Variants in COL8A1 observed in about 807,000 individuals in gnomAD.
The protein encoded by COL8A1 is collagen alpha-1(VIII) chain.
Under a neutral mutation model 42.7 loss-of-function variants are expected in COL8A1, and 21 were observed. The observed-to-expected ratio is 0.49, with a 90% confidence interval of 0.35 to 0.71. The LOEUF is 0.71. Among genes scored for constraint, COL8A1 ranks in the 30% least tolerant of loss-of-function variants. The pLI is 0.01. For missense variants in COL8A1, 788 were observed against 962.4 expected, an observed-to-expected ratio of 0.82 and a Z score of 2.40; for synonymous variants, 367 against 369.1, an observed-to-expected ratio of 0.99 and a Z score of 0.06.
chr3:99,726,293 T>A (rs1345367436), intron 1 of COL8A1, among the ~76,000 whole-genome samples: 1 of 152,012 alleles, frequency 6.6e-6, no homozygotes, highest in Non-Finnish European at 1.5e-5. Context: ...TTGAGTTCAT[T>A]GTAGATTCTG....
intron 1 of COL8A1, among the ~76,000 whole-genome samples, chr3:99,721,331 C>T (rs1473683527): frequency 1.4e-5 from 2 of 139,376 alleles, no homozygotes; most frequent in African/African-American, 5.4e-5. Flanking sequence ...AGCAGAACAC[C>T]TGTTTTGCAC....
At chr3:99,772,813 GGA>G (rs1161026161) in intron 2 of COL8A1, among the ~76,000 whole-genome samples, 6 of 152,138 alleles carry the variant, frequency 3.9e-5, no homozygotes, top group African/African-American at 1.4e-4. Flanking sequence ...GTGGCCTCCT[GGA>G]GAGGATATTG....
chr3:99,648,097 G>T (rs1937708838), intron 1 of COL8A1, among the ~76,000 whole-genome samples: 1 of 152,152 alleles, frequency 6.6e-6, no homozygotes, highest in Admixed American at 6.5e-5. Flanking sequence ...CAGATATTGT[G>T]CTAGTCCCGT....
chr3:99,763,420 C>T (rs951218295), intron 2 of COL8A1, among the ~76,000 whole-genome samples: 1 of 152,066 alleles, frequency 6.6e-6, no homozygotes, highest in Non-Finnish European at 1.5e-5. Context: ...CTGTCTAAAC[C>T]TCTGAATCCA....
At position 99,685,867 on chromosome 3, in the gene COL8A1, G is replaced by A. The variant is rs1484583635; in HGVS notation, c.-129+47203G>A. Among the ~76,000 whole-genome samples the A allele has an allele frequency of 8.5e-5, 13 of 152,246 alleles. 2 individuals carry two copies. Among genetic ancestry groups the A allele is most frequent in the Admixed American group, 5.9e-4 (9 of 15,286 alleles). ...TAGTCAGACTACTTTACCCATGTGA[G>A]GCACATAGCAAGGGAGTTGGCAACA... On this transcript the variant is annotated intron_variant, in intron 1 of 3. Coordinates refer to ENST00000652472, the MANE Select transcript of COL8A1 (RefSeq NM_020351.4).
intron 1 of COL8A1, among the ~76,000 whole-genome samples, chr3:99,742,806 A>G (rs1940930267): frequency 6.6e-6 from 1 of 152,224 alleles, no homozygotes; most frequent in Admixed American, 6.5e-5. Flanking sequence ...TGACATGTAC[A>G]TAACAGTGAT....
chr3:99,665,125 A>G (rs1180954156), intron 1 of COL8A1, among the ~76,000 whole-genome samples: 1 of 152,216 alleles, frequency 6.6e-6, no homozygotes, highest in Middle Eastern at 3.2e-3. Flanking sequence ...GCCATTTCTC[A>G]GACTAGAAGT....
intron 2 of COL8A1, among the ~76,000 whole-genome samples, chr3:99,750,991 C>T (rs1364207504): frequency 6.6e-6 from 1 of 152,160 alleles, no homozygotes; most frequent in African/African-American, 2.4e-5. Context: ...TACATAAACA[C>T]ATCTTTGAGC....
chr3:99,789,036 A>G (rs1941948117), intron 2 of COL8A1, among the ~76,000 whole-genome samples: 1 of 152,206 alleles, frequency 6.6e-6, no homozygotes. Flanking sequence ...TGGGCCTAGC[A>G]ACTGTTTCTT....
chr3:99,658,962 G>A (rs1938116093), intron 1 of COL8A1, among the ~76,000 whole-genome samples: 1 of 152,200 alleles, frequency 6.6e-6, no homozygotes. Flanking sequence ...TAGCTCTACT[G>A]AATCAGTCTC....
chr3:99,758,455 C>G (rs1941302590), intron 2 of COL8A1, among the ~76,000 whole-genome samples: 1 of 152,102 alleles, frequency 6.6e-6, no homozygotes, highest in African/African-American at 2.4e-5. Context: ...CAGAGCTCCT[C>G]TTGAATATTA....
At chr3:99,658,592 G>T (rs1938103453) in intron 1 of COL8A1, among the ~76,000 whole-genome samples, 1 of 152,190 alleles carries the variant, frequency 6.6e-6, no homozygotes, top group African/African-American at 2.4e-5. Context: ...CCAGCACAGA[G>T]CCTGAAACCA....
chr3:99,734,603 T>C (rs1349352726), intron 1 of COL8A1, among the ~76,000 whole-genome samples: 1 of 152,116 alleles, frequency 6.6e-6, no homozygotes, highest in Non-Finnish European at 1.5e-5. Flanking sequence ...AGCTTTGCTC[T>C]TTTGGCTTAG....
chr3:99,750,908 A>G (rs1941133673), intron 2 of COL8A1, among the ~76,000 whole-genome samples: 1 of 152,174 alleles, frequency 6.6e-6, no homozygotes, highest in Non-Finnish European at 1.5e-5. Context: ...CTGGCCATCA[A>G]TCATTTCTAA....
intron 2 of COL8A1, among the ~76,000 whole-genome samples, chr3:99,782,142 A>T (rs1296262965): frequency 6.6e-6 from 1 of 152,196 alleles, no homozygotes; most frequent in Non-Finnish European, 1.5e-5. Context: ...AAAAAAAACC[A>T]TGGATTATTA....
chr3:99,713,485 T>C (rs1208855177), intron 1 of COL8A1, among the ~76,000 whole-genome samples: 3 of 152,120 alleles, frequency 2.0e-5, no homozygotes, highest in Non-Finnish European at 2.9e-5. Context: ...GGCAATTGGT[T>C]TAGCACCTCC....
chr3:99,683,806 T>C (rs1037869406), intron 1 of COL8A1, among the ~76,000 whole-genome samples: 1 of 152,160 alleles, frequency 6.6e-6, no homozygotes, highest in South Asian at 2.1e-4. Context: ...TTTAACCCAA[T>C]ATTGTCATAT....
At chr3:99,701,979 C>T (rs1365603044) in intron 1 of COL8A1, among the ~76,000 whole-genome samples, 1 of 152,104 alleles carries the variant, frequency 6.6e-6, no homozygotes, top group African/African-American at 2.4e-5. Context: ...CAGAAGGAGC[C>T]TATGATGAAG....
intron 1 of COL8A1, among the ~76,000 whole-genome samples, chr3:99,706,872 G>A (rs988483249): frequency 9.9e-5 from 15 of 152,156 alleles, no homozygotes; most frequent in South Asian, 6.2e-4. Context: ...TAGAGCACCC[G>A]GGAAGAGAGC....
Sources: allele counts gnomAD v4.1 joint callset (sites outside exome capture counted in the v4.1 genomes callset), GRCh38; gene constraint gnomAD v4.1.1; transcripts MANE v1.5; gene names NCBI Gene and HGNC (gene_info 2026-07-23, HGNC 2026-07-21).